The following LRRC61 variants were observed in gnomAD, a reference collection of about 807,000 sequenced individuals.
The protein encoded by LRRC61 is leucine-rich repeat-containing protein 61.
LRRC61 carries 9 observed loss-of-function variants against 15.1 expected under a neutral mutation model. That is an observed-to-expected ratio of 0.60 (90% CI 0.36 to 1.04). LRRC61 has a LOEUF of 1.04. Among genes scored for constraint, LRRC61 ranks in the 50% least tolerant of loss-of-function variants. The pLI is 0.01. For synonymous variants in LRRC61, 173 were observed against 158.6 expected (o/e 1.09, Z -0.68); for missense variants, 344 against 335.6 (o/e 1.03, Z -0.20).
the LRRC61 span, among the ~76,000 whole-genome samples, chr7:150,310,495 CAT>C: frequency 0.028 from 4,229 of 152,198 alleles, 213 homozygotes; most frequent in African/African-American, 0.097. Flanking sequence ...ACCTTTGCCT[CAT>C]AAATCAAATT....
chr7:150,329,020 G>C (rs1435750788), intron 2 of LRRC61, among the ~76,000 whole-genome samples: 1 of 152,182 alleles, frequency 6.6e-6, no homozygotes, highest in African/African-American at 2.4e-5. Context: ...CCACTAGCCA[G>C]AGATCAAGTC....
chr7:150,323,249 G>A (rs1797745621), upstream of LRRC61: 2 of 236,862 alleles, frequency 8.4e-6, no homozygotes, highest in African/African-American at 2.4e-5. Context: ...CGGGGGGTGC[G>A]CGCGAAGACC....
chr7:150,327,106 G>C (rs1483544744), intron 2 of LRRC61, among the ~76,000 whole-genome samples: 1 of 151,396 alleles, frequency 6.6e-6, no homozygotes, highest in Non-Finnish European at 1.5e-5. Flanking sequence ...CATTACCCTG[G>C]TGAGTAATGT....
At chr7:150,310,187 G>A in the LRRC61 span, among the ~76,000 whole-genome samples, 1 of 152,034 alleles carries the variant, frequency 6.6e-6, no homozygotes, top group Admixed American at 6.5e-5. Flanking sequence ...CTGTCCTTTT[G>A]CCCAATTCAA....
At chr7:150,321,200 G>C (rs1400640627), upstream of LRRC61, among the ~76,000 whole-genome samples, 1 of 152,142 alleles carries the variant, frequency 6.6e-6, no homozygotes, top group African/African-American at 2.4e-5. Context: ...CCACCCTGTT[G>C]CTTAACTATA....
the LRRC61 span, among the ~76,000 whole-genome samples, chr7:150,316,480 G>GTTT: frequency 6.8e-5 from 9 of 131,732 alleles, no homozygotes; most frequent in Non-Finnish European, 4.7e-5. Context: ...TTAGAATCTG[G>GTTT]TTATTTTTTT....
rs778260363 is a variant in LRRC61, at chr7:150,337,464, G to A, written c.603G>A (p.Glu201=). ...CCACCGAGGCCCAGCCCTGGGTGGA[G>A]CCAGGCTACTGGGAGTCCTGGCCCA... The part of the protein sequence containing the change: ...PRATEAQPWV[E]PGYWESWPSR... Residue 201 remains glutamate (E), a synonymous_variant, in exon 3 of 3, where the codon GAG becomes GAA. Transcript: ENST00000359623. 6 of 1,603,762 alleles carry A rather than the reference G, an allele frequency of 3.7e-6. No homozygotes were observed. In the South Asian group the frequency reaches 6.6e-5, roughly 18 times the overall value.
chr7:150,314,445 G>A, the LRRC61 span, among the ~76,000 whole-genome samples: 1 of 152,084 alleles, frequency 6.6e-6, no homozygotes, highest in African/African-American at 2.4e-5. Flanking sequence ...GTACTGATTG[G>A]CTCAGAAGAA....
In LRRC61 at chr7:150,337,496, G is replaced by A; in HGVS notation, c.635G>A (p.Ser212Asn). The change falls in exon 3 of 3, where the codon AGC becomes AAC. Residue 212 changes from serine (S) to asparagine (N), a missense_variant. Transcript: ENST00000359623. ...TACTGGGAGTCCTGGCCCAGCCGGA[G>A]CAGCTCCATCCTGGAGGAGGCCTGC... ...PGYWESWPSR[S>N]SSILEEACRQ... 6.2e-7 allele frequency: 1 copy of A among 1,602,904 alleles called. No individual in the cohort carries two copies. Among genetic ancestry groups the A allele is most frequent in the Non-Finnish European group, 8.5e-7 (1 of 1,179,212 alleles).
rs1798303672 is a variant in LRRC61, at chr7:150,336,706, G to A, written c.-144-12G>A. The A allele has an allele frequency of 2.1e-6, 2 of 954,280 alleles. No homozygotes were observed. The highest frequency in any genetic ancestry group is 2.5e-5 in the East Asian group (1 of 39,860). The allele number at this position is 954,280 out of a possible 1,614,324, so 59.1% of individuals were successfully genotyped here. On this transcript the variant is annotated splice_polypyrimidine_tract_variant and intron_variant, in intron 2 of 2. Coordinates refer to ENST00000359623, the MANE Select transcript of LRRC61 (RefSeq NM_001142928.2). Reference sequence around the variant, plus strand: ...AGAAAGTGCTGCCTGCTGACTGACTGTCTCTCCTCAGGGACTGGCTGGCTT... The same window carrying A: ...AGAAAGTGCTGCCTGCTGACTGACTATCTCTCCTCAGGGACTGGCTGGCTT...
intron 2 of LRRC61, 147 bp from the exon 3 acceptor site, chr7:150,336,571 T>G: frequency 4.2e-6 from 2 of 480,856 alleles, no homozygotes; most frequent in Non-Finnish European, 3.7e-6. Context: ...TCAGATGGCT[T>G]TTGTGGCCTG....
rs771047972 is a variant in LRRC61 at position 150,330,414 on chromosome 7, C to T, written c.-145+4404C>T. 2.6e-5 allele frequency: 20 copies of T among 770,016 alleles called. No individual in the cohort carries two copies. Among genetic ancestry groups the T allele is most frequent in the South Asian group, 4.0e-5 (3 of 74,594 alleles). 47.7% of individuals were successfully genotyped at this position (770,016 alleles called of 1,614,324 possible). On this transcript the variant is annotated intron_variant, in intron 2 of 2. Transcript: ENST00000359623. The surrounding 1 kb of genome is among the most constrained non-coding windows in gnomAD (Gnocchi z 4.6). ...CCTGTAGCCCTTCCAGATGGTGGTC[C>T]GCGAGGCGAGTGCGGCACAGGCCTC...
upstream of LRRC61, among the ~76,000 whole-genome samples, chr7:150,320,021 C>A (rs1348287378): frequency 2.0e-5 from 3 of 152,204 alleles, no homozygotes; most frequent in African/African-American, 7.2e-5. Flanking sequence ...GGTCTTTTGC[C>A]CTCTTTTGAG....
chr7:150,319,091 G>A (rs1389077859), upstream of LRRC61, among the ~76,000 whole-genome samples: 1 of 152,132 alleles, frequency 6.6e-6, no homozygotes, highest in African/African-American at 2.4e-5. Flanking sequence ...AGCAAGTCTT[G>A]TCAATTTAGG....
At chr7:150,311,015 G>A in the LRRC61 span, among the ~76,000 whole-genome samples, 1 of 151,906 alleles carries the variant, frequency 6.6e-6, no homozygotes, top group Non-Finnish European at 1.5e-5. Flanking sequence ...CCCCTATCCC[G>A]ACCACCAAAC....
the LRRC61 span, among the ~76,000 whole-genome samples, chr7:150,315,982 G>A: frequency 5.3e-4 from 81 of 152,316 alleles, no homozygotes; most frequent in African/African-American, 1.7e-3. Context: ...TGGATCACCT[G>A]AGGTCAGGAG....
chr7:150,320,457 T>C (rs913631806), upstream of LRRC61, among the ~76,000 whole-genome samples: 3 of 152,192 alleles, frequency 2.0e-5, no homozygotes, highest in African/African-American at 7.2e-5. Flanking sequence ...AAAATATAGT[T>C]TAAATTAAGA....
chr7:150,309,729 C>T, the LRRC61 span, among the ~76,000 whole-genome samples: 1 of 152,192 alleles, frequency 6.6e-6, no homozygotes, highest in Non-Finnish European at 1.5e-5. Flanking sequence ...TCGGACTGTC[C>T]AACTAATATC....
chr7:150,310,402 C>G, the LRRC61 span, among the ~76,000 whole-genome samples: 1 of 152,156 alleles, frequency 6.6e-6, no homozygotes, highest in Non-Finnish European at 1.5e-5. Flanking sequence ...TACAGCATGG[C>G]CTTTTAAAGC....
Sources: allele counts gnomAD v4.1 joint callset (sites outside exome capture counted in the v4.1 genomes callset), GRCh38; gene constraint gnomAD v4.1.1; non-coding constraint Gnocchi (gnomAD v3.1); transcripts MANE v1.5; gene names NCBI Gene and HGNC (gene_info 2026-07-23, HGNC 2026-07-21).